CD33: variants seen among roughly 807,000 people sequenced by gnomAD.
CD33 encodes the protein CD33 molecule.
A neutral mutation model predicts 31.4 loss-of-function variants in CD33; 25 were observed. The ratio of observed to expected loss-of-function variants is 0.80; its 90% confidence interval spans 0.58 to 1.11. The LOEUF is 1.11. Ranked by LOEUF, CD33 falls within the 50% of genes most tolerant of loss-of-function variation. The probability of loss-of-function intolerance (pLI) is 0.00; values close to 1 mark genes in which losing one functional copy is unlikely to be tolerated. For missense variants in CD33, 407 were observed against 448.1 expected, an observed-to-expected ratio of 0.91 and a Z score of 0.83; for synonymous variants, 176 against 180.6, an observed-to-expected ratio of 0.97 and a Z score of 0.20.
the CD33 span, among the ~76,000 whole-genome samples, chr19:51,219,157 C>G: frequency 6.6e-6 from 1 of 152,030 alleles, no homozygotes; most frequent in Non-Finnish European, 1.5e-5. Flanking sequence ...TCCATGAGCA[C>G]GGGATGCTCC....
At chr19:51,239,468 G>A in intron 6 of CD33, 50 bp from the exon 7 acceptor site, 2 of 1,418,662 alleles carry the variant, frequency 1.4e-6, no homozygotes, top group Non-Finnish European at 1.9e-6. Context: ...CCTTCTCCTG[G>A]TCCCCCTCCT....
chr19:51,230,291 G>A (rs536281769), intron 4 of CD33, among the ~76,000 whole-genome samples: 75 of 139,062 alleles, frequency 5.4e-4, no homozygotes, highest in Non-Finnish European at 8.6e-4. Flanking sequence ...ACATATGGTC[G>A]ATCCTTGGGA....
At chr19:51,227,819 C>G (rs1981137016) in intron 4 of CD33, among the ~76,000 whole-genome samples, 1 of 152,098 alleles carries the variant, frequency 6.6e-6, no homozygotes, top group South Asian at 2.1e-4. Flanking sequence ...AGCATTTCCC[C>G]TATGTTTTTT....
intron 6 of CD33, 46 bp from the exon 7 acceptor site, chr19:51,239,472 C>A (rs759416657): frequency 6.9e-7 from 1 of 1,439,688 alleles, no homozygotes; most frequent in Admixed American, 2.5e-5. Flanking sequence ...CTCCTGGTCC[C>A]CCTCCTCACT....
the CD33 span, chr19:51,211,819 T>C: frequency 4.2e-6 from 4 of 963,022 alleles, no homozygotes; most frequent in Non-Finnish European, 6.6e-6. Flanking sequence ...AGCATCTTCA[T>C]CCCGAGGACC....
intron 6 of CD33, chr19:51,236,828 T>G (rs1199983681): frequency 2.6e-5 from 4 of 152,156 alleles, no homozygotes; most frequent in Admixed American, 2.6e-4. Context: ...CGAGAGCCCC[T>G]CTTACTCCTT....
At chr19:51,232,562 C>T (rs1981493890) in intron 4 of CD33, among the ~76,000 whole-genome samples, 1 of 152,190 alleles carries the variant, frequency 6.6e-6, no homozygotes, top group South Asian at 2.1e-4. Context: ...GATTGTGTCC[C>T]ATGAGTCCTG....
At position 51,239,689 on chromosome 19, in the gene CD33, G is replaced by A. The variant is rs1183930453; in HGVS notation, c.*1G>A. The A allele has an allele frequency of 1.2e-6, 2 of 1,606,776 alleles. No homozygotes were observed. The highest frequency in any genetic ancestry group is 1.1e-5 in the South Asian group (1 of 89,968). ...ATACTCAGAGGTCAGGACCCAGTGA[G>A]GAACCCACAAGAGCATCAGGCTCAG... On this transcript the variant is annotated 3_prime_UTR_variant, in exon 7 of 7. Coordinates refer to ENST00000262262, the MANE Select transcript of CD33 (RefSeq NM_001772.4).
the CD33 span, chr19:51,211,737 C>A: frequency 1.3e-6 from 1 of 776,084 alleles, no homozygotes; most frequent in Non-Finnish European, 2.2e-6. Context: ...GAGCTTCCCT[C>A]AGGGCTGTAC....
At position 51,225,995 on chromosome 19, in the gene CD33, A is replaced by G; in HGVS notation, c.611A>G (p.Gln204Arg). Residue 204 changes from glutamine to arginine, a missense_variant, in exon 3 of 7, where the codon CAG (glutamine) becomes CGG (arginine). Transcript: ENST00000262262. ...SSVLIITPRPQDHGTNLTCQV... is the reference protein window; with the variant it reads ...SSVLIITPRPRDHGTNLTCQV... ...GTGCTCATAATCACCCCACGGCCCC[A>G]GGACCACGGCACCAACCTGACCTGT... 1 of 1,614,046 alleles carries G rather than the reference A, an allele frequency of 6.2e-7. No individual in the cohort carries two copies. The highest frequency in any genetic ancestry group is 8.5e-7 in the Non-Finnish European group (1 of 1,179,988).
At chr19:51,214,863 A>C in the CD33 span, among the ~76,000 whole-genome samples, 1 of 152,158 alleles carries the variant, frequency 6.6e-6, no homozygotes, top group Non-Finnish European at 1.5e-5. Context: ...TCATTTCTCT[A>C]CCCAACCATT....
At chr19:51,230,110 A>G (rs1185462202) in intron 4 of CD33, among the ~76,000 whole-genome samples, 1 of 151,852 alleles carries the variant, frequency 6.6e-6, no homozygotes, top group Non-Finnish European at 1.5e-5. Flanking sequence ...ATCATTCTTA[A>G]TTTCTTCCTT....
rs554930855 is a variant in CD33 at position 51,229,236 on chromosome 19, T to C, written c.745+2880T>C. The stretch of plus-strand genomic sequence containing the variant: ...TTGAATCATTCTTGCCTTTCTGGGA[T>C]TAATCCCACTTTATCATGGTATGTT... On this transcript the variant is annotated intron_variant, in intron 4 of 6. Transcript: ENST00000262262. Among the ~76,000 whole-genome samples the C allele has an allele frequency of 7.9e-5, 12 of 152,390 alleles. No homozygotes were observed. The East Asian group carries it at 2.3e-3, about 29-fold the overall frequency.
chr19:51,215,340 AAAG>A, the CD33 span, among the ~76,000 whole-genome samples: 11 of 152,262 alleles, frequency 7.2e-5, no homozygotes, highest in African/African-American at 2.4e-4. Flanking sequence ...CTGTTCTCAT[AAAG>A]AAGATCTTGA....
chr19:51,234,506 T>C (rs1009980679), intron 4 of CD33, among the ~76,000 whole-genome samples: 8 of 152,166 alleles, frequency 5.3e-5, no homozygotes, highest in African/African-American at 1.9e-4. Context: ...CACTGCCCTA[T>C]TCCAATTAAT....
Position 51,225,868 on chromosome 19 carries a change from A to G in CD33, c.484A>G (p.Thr162Ala), listed in dbSNP as rs1980975739. The G allele has an allele frequency of 6.2e-7, 1 of 1,613,690 alleles. No homozygotes were observed. Among genetic ancestry groups the G allele is most frequent in the African/African-American group, 1.3e-5 (1 of 74,764 alleles). ...AGAACCCGGCCACTCCAAAAACCTG[A>G]CCTGCTCTGTGTCCTGGGCCTGTGA... ...TLEPGHSKNL[T>A]CSVSWACEQG... The change falls in exon 3 of 7, where the codon ACC becomes GCC. Residue 162 changes from threonine (T) to alanine (A), a missense_variant. Transcript: ENST00000262262.
At chr19:51,224,273 T>C (rs1407620997), upstream of CD33, among the ~76,000 whole-genome samples, 1 of 152,206 alleles carries the variant, frequency 6.6e-6, no homozygotes. Context: ...GCATACCCAC[T>C]GAGTCTGCTT....
chr19:51,222,687 C>A (rs1980741069), upstream of CD33, among the ~76,000 whole-genome samples: 1 of 152,000 alleles, frequency 6.6e-6, no homozygotes, highest in Admixed American at 6.6e-5. Context: ...AGTGGTTGCC[C>A]AGCATAGAAG....
rs1752312363 is a variant in CD33 at position 51,235,417 on chromosome 19, C to A, written c.842+164C>A. Reference sequence around the variant, plus strand: ...GGATAGGCGTGGGTCTATTCCAGGGCCCTGATCTCAGATGTCCAAGGAGTG... The same window carrying A: ...GGATAGGCGTGGGTCTATTCCAGGGACCTGATCTCAGATGTCCAAGGAGTG... On this transcript the variant is annotated intron_variant, in intron 5 of 6. Coordinates refer to ENST00000262262, the MANE Select transcript of CD33 (RefSeq NM_001772.4). The A allele has an allele frequency of 3.7e-5, 48 of 1,284,928 alleles. No individual in the cohort carries two copies. The South Asian group carries it at 6.9e-4, about 19-fold the overall frequency. The allele number at this position is 1,284,928 out of a possible 1,614,324, so 79.6% of individuals were successfully genotyped here.
Sources: gnomAD v4.1 joint callset for allele counts (sites outside exome capture counted in the v4.1 genomes callset) on GRCh38, gnomAD v4.1.1 for gene constraint, MANE v1.5 for transcripts, NCBI Gene and HGNC (gene_info 2026-07-23, HGNC 2026-07-21) for gene names.